Variants in STOX2 observed in about 807,000 individuals in gnomAD.
STOX2 encodes the protein storkhead box 2, also known as storkhead-box protein 2.
Under a neutral mutation model 60.9 loss-of-function variants are expected in STOX2, and 28 were observed. The ratio of observed to expected loss-of-function variants is 0.46; its 90% CI spans 0.34 to 0.63. The LOEUF is 0.63. Ranked by LOEUF, STOX2 falls within the 30% of genes least tolerant of loss-of-function variation. The pLI, the probability that STOX2 is intolerant of heterozygous loss-of-function variation, is 0.01. For synonymous variants in STOX2, 472 were observed against 463.9 expected, an observed-to-expected ratio of 1.02 and a Z score of -0.22; for missense variants, 1,024 against 1,187.7, an observed-to-expected ratio of 0.86 and a Z score of 2.03.
chr4:183,874,880 CAT>C (rs1368589063), intron 1 of STOX2, among the ~76,000 whole-genome samples: 10 of 125,844 alleles, frequency 7.9e-5, no homozygotes, highest in African/African-American at 2.8e-4. Flanking sequence ...GAGCCAAGAT[CAT>C]GCCACTGCAC....
At chr4:183,813,673 A>G (rs1344255666) in intron 1 of STOX2, among the ~76,000 whole-genome samples, 1 of 152,166 alleles carries the variant, frequency 6.6e-6, no homozygotes, top group African/African-American at 2.4e-5. Flanking sequence ...GGAGACTATA[A>G]ACTTCAGTTT....
chr4:183,847,903 G>T (rs1045908265), intron 1 of STOX2, among the ~76,000 whole-genome samples: 2 of 152,158 alleles, frequency 1.3e-5, no homozygotes, highest in African/African-American at 4.8e-5. Flanking sequence ...GTATATAAAA[G>T]AAAACATGTG....
intron 1 of STOX2, among the ~76,000 whole-genome samples, chr4:183,891,826 T>C (rs1163752110): frequency 2.0e-5 from 3 of 152,162 alleles, no homozygotes; most frequent in Non-Finnish European, 1.5e-5. Flanking sequence ...AAGGAATTTG[T>C]CTGTGTGCTC....
chr4:183,931,492 C>T lies in STOX2; in HGVS notation c.166+24536C>T, dbSNP rs1742421959. Among the ~76,000 whole-genome samples, 2 of 152,092 alleles carry T rather than the reference C, an allele frequency of 1.3e-5. 1 individual carries two copies. The highest frequency in any genetic ancestry group is 4.1e-4 in the South Asian group (2 of 4,824). ...TGGTATTATCTTCTGTTGATTTATTCAGAGATATCTAGTGTCTATATGCAA... is the reference window on the plus strand; with the variant it reads ...TGGTATTATCTTCTGTTGATTTATTTAGAGATATCTAGTGTCTATATGCAA... On this transcript the variant is annotated intron_variant, in intron 1 of 3. Transcript: ENST00000308497.
chr4:183,928,904 G>C (rs1418809301), intron 1 of STOX2, among the ~76,000 whole-genome samples: 2 of 152,100 alleles, frequency 1.3e-5, no homozygotes, highest in Admixed American at 1.3e-4. Flanking sequence ...CTGGTGATAA[G>C]AAATAAGAGA....
chr4:183,843,158 A>AAAAAAAAG lies in STOX2; in HGVS notation c.364+45108_364+45109insAAGAAAAA, dbSNP rs1553967453. 3.6e-3 allele frequency among the ~76,000 whole-genome samples: 541 copies of AAAAAAAAG among 150,646 alleles called. 1 individual carries two copies. Among genetic ancestry groups the AAAAAAAAG allele is most frequent in the African/African-American group, 0.012 (501 of 40,368 alleles). On this transcript the variant is annotated intron_variant, in intron 1 of 2. Transcript: ENST00000513034. Reference sequence around the variant, plus strand: ...GCGAGACTCCATCTCAAAAAAAAAAAAAAAAGAAAAAGAAAAAGAAAAAGA... The same window carrying AAAAAAAAG: ...GCGAGACTCCATCTCAAAAAAAAAAAAAAAAAAGAAAAAGAAAAAGAAAAAGAAAAAGA...
In STOX2 at chr4:183,825,294, C is replaced by T. The variant is rs909507137; in HGVS notation, c.364+27239C>T. On this transcript the variant is annotated intron_variant, in intron 1 of 2. Coordinates refer to the STOX2 transcript ENST00000513034. The surrounding 1 kb of genome is among the most constrained non-coding windows in gnomAD (Gnocchi z 4.1). Reference sequence around the variant, plus strand: ...GAGGCTGTGGGCGAGGAAGGAAGGACGTGTTCTTAGGAGGGAGATGCAGCT... The same window carrying T: ...GAGGCTGTGGGCGAGGAAGGAAGGATGTGTTCTTAGGAGGGAGATGCAGCT... Among the ~76,000 whole-genome samples the T allele has an allele frequency of 3.9e-5, 6 of 152,086 alleles. No homozygotes were observed. The highest frequency in any genetic ancestry group is 1.9e-4 in the East Asian group (1 of 5,176).
At chr4:183,923,006 C>T (rs889879348) in intron 1 of STOX2, among the ~76,000 whole-genome samples, 1 of 152,094 alleles carries the variant, frequency 6.6e-6, no homozygotes, top group African/African-American at 2.4e-5. Flanking sequence ...CCACGTGTAC[C>T]ATGTTTTGTT....
upstream of STOX2, among the ~76,000 whole-genome samples, chr4:183,905,080 A>G (rs935205710): frequency 6.6e-6 from 1 of 152,254 alleles, no homozygotes; most frequent in East Asian, 1.9e-4. Flanking sequence ...ACTGTACCAA[A>G]GCATTTTTGA....
intron 1 of STOX2, among the ~76,000 whole-genome samples, chr4:183,874,184 T>A (rs1430884663): frequency 2.0e-5 from 3 of 152,214 alleles, no homozygotes; most frequent in South Asian, 2.1e-4. Context: ...GAAAAAAAAA[T>A]GTCACGGATG....
Position 183,831,465 on chromosome 4 carries a change from A to T in STOX2, c.364+33410A>T, listed in dbSNP as rs375463966. Among the ~76,000 whole-genome samples the T allele has an allele frequency of 9.3e-4, 141 of 152,230 alleles. 4 individuals carry two copies. In the South Asian group the frequency reaches 0.028, roughly 30 times the overall value. On this transcript the variant is annotated intron_variant, in intron 1 of 2. Transcript: ENST00000513034. The stretch of plus-strand genomic sequence containing the variant: ...GGACCATGAACATTAGTTCATGAAC[A>T]TTAGAAAACCCTGATGGAAAGTTTA...
At chr4:183,852,874 T>C (rs910281672) in intron 1 of STOX2, among the ~76,000 whole-genome samples, 11 of 152,158 alleles carry the variant, frequency 7.2e-5, no homozygotes, top group African/African-American at 2.7e-4. Context: ...ACACTTGTGA[T>C]TGTAGGGTAT....
At chr4:183,863,852 T>C (rs1579349195) in intron 1 of STOX2, among the ~76,000 whole-genome samples, 1 of 152,352 alleles carries the variant, frequency 6.6e-6, no homozygotes, top group South Asian at 2.1e-4. Flanking sequence ...CACAACCGTA[T>C]CTGAACTTGG....
intron 1 of STOX2, among the ~76,000 whole-genome samples, chr4:183,991,836 A>C (rs1327991124): frequency 6.6e-6 from 1 of 152,224 alleles, no homozygotes; most frequent in Non-Finnish European, 1.5e-5. Context: ...TGAGTCTACA[A>C]GGTAAACATC....
At chr4:183,876,533 GTAGT>G (rs535766322) in intron 1 of STOX2, among the ~76,000 whole-genome samples, 7 of 152,250 alleles carry the variant, frequency 4.6e-5, no homozygotes, top group Non-Finnish European at 1.0e-4. Flanking sequence ...AAAAGTGAAA[GTAGT>G]TAGTCATGTT....
chr4:184,011,385 C>G lies in STOX2; in HGVS notation c.2547C>G (p.Ser849Arg). 6.2e-7 allele frequency: 1 copy of G among 1,613,434 alleles called. No homozygotes were observed. Among genetic ancestry groups the G allele is most frequent in the Non-Finnish European group, 8.5e-7 (1 of 1,179,588 alleles). The part of the protein sequence containing the change: ...THSARLDSMD[S>R]SSITVDSGFN... ...CAGCCCGGCTCGACAGCATGGACAG[C>G]AGCAGCATCACAGTGGACAGTGGAT... The change falls in exon 3 of 4, where the codon AGC becomes AGG. Residue 849 changes from serine to arginine, a missense_variant. Coordinates refer to ENST00000308497, the MANE Select transcript of STOX2 (RefSeq NM_020225.3). The surrounding 1 kb of genome is among the most constrained non-coding windows in gnomAD (Gnocchi z 4.4).
intron 1 of STOX2, among the ~76,000 whole-genome samples, chr4:183,828,166 C>T (rs1185260392): frequency 6.6e-6 from 1 of 152,130 alleles, no homozygotes; most frequent in Non-Finnish European, 1.5e-5. Context: ...TTATTGTGCC[C>T]ATGTTTGCAA....
chr4:183,816,786 T>C (rs1003435085), intron 1 of STOX2, among the ~76,000 whole-genome samples: 2 of 152,256 alleles, frequency 1.3e-5, no homozygotes, highest in Admixed American at 6.5e-5. Flanking sequence ...AATTTTATAT[T>C]AAATAATCCT....
chr4:183,987,263 C>G (rs1166648545), intron 1 of STOX2, among the ~76,000 whole-genome samples: 3 of 152,048 alleles, frequency 2.0e-5, no homozygotes, highest in Non-Finnish European at 2.9e-5. Flanking sequence ...CCCCCGTCTT[C>G]CTCCTGAGAT....
Sources: gnomAD v4.1 joint callset for allele counts (sites outside exome capture counted in the v4.1 genomes callset) on GRCh38, gnomAD v4.1.1 for gene constraint, Gnocchi (gnomAD v3.1) non-coding constraint, MANE v1.5 for transcripts, NCBI Gene and HGNC (gene_info 2026-07-23, HGNC 2026-07-21) for gene names.